Variants in BBS4 observed in about 807,000 individuals in gnomAD.
The protein encoded by BBS4 is BBSome complex member BBS4.
A neutral mutation model predicts 71.4 loss-of-function variants in BBS4; 58 were observed. The ratio of observed to expected loss-of-function variants is 0.81; its 90% CI spans 0.66 to 1.01. The LOEUF (loss-of-function observed/expected upper bound fraction) is 1.01. Among genes scored for constraint, BBS4 ranks in the 50% least tolerant of loss-of-function variants. The pLI, the probability that BBS4 is intolerant of heterozygous loss-of-function variation, is 0.00. For synonymous variants in BBS4, 228 were observed against 216.8 expected (o/e 1.05, Z -0.46); for missense variants, 660 against 607.9 (o/e 1.09, Z -0.90).
chr15:72,692,785 G>A (rs781413137), intron 1 of BBS4, among the ~76,000 whole-genome samples: 7 of 151,606 alleles, frequency 4.6e-5, no homozygotes, highest in South Asian at 2.1e-4. Flanking sequence ...TTTTATAGAG[G>A]CAGAGTCTCG....
At chr15:72,690,455 C>T (rs1249708452) in intron 1 of BBS4, among the ~76,000 whole-genome samples, 1 of 152,100 alleles carries the variant, frequency 6.6e-6, no homozygotes, top group East Asian at 1.9e-4. Flanking sequence ...CTGCTTTGTG[C>T]AGAAAGAAGG....
At chr15:72,721,359 T>C (rs2065572835) in intron 6 of BBS4, among the ~76,000 whole-genome samples, 2 of 152,266 alleles carry the variant, frequency 1.3e-5, no homozygotes, top group South Asian at 4.1e-4. Context: ...CTTACAAAAG[T>C]TGTGGGAGTA....
In BBS4 at chr15:72,694,193, C is replaced by CTT. The variant is rs34852416; in HGVS notation, c.25-970_25-969dup. ...AGGCACGGCGTCTGGCCTTTCTTTC[C>CTT]TTTTTTTTTTTTTTTGAGACGTAGT... On this transcript the variant is annotated intron_variant, in intron 1 of 15. Coordinates refer to ENST00000268057, the MANE Select transcript of BBS4 (RefSeq NM_033028.5). Among the ~76,000 whole-genome samples, 287 of 135,410 alleles carry CTT rather than the reference C, an allele frequency of 2.1e-3. 2 individuals carry two copies. The highest frequency in any genetic ancestry group is 7.5e-3 in the African/African-American group (276 of 36,970). 88.8% of individuals were successfully genotyped at this position (135,410 alleles called of 152,430 possible).
rs2065386071 is a variant in BBS4, at chr15:72,712,234, CCT to C, written c.157-7_157-6del. 1 of 1,613,232 alleles carries C rather than the reference CCT, an allele frequency of 6.2e-7. No homozygotes were observed. ...ACCACTGCTCAGAAGCATTTTTCTC[CCT>C]CTTTCAGGCTGTTATCAAAGAACAG... On this transcript the variant is annotated splice_region_variant and splice_polypyrimidine_tract_variant and intron_variant, in intron 3 of 15. Coordinates refer to ENST00000268057, the MANE Select transcript of BBS4 (RefSeq NM_033028.5).
chr15:72,731,715 T>C lies in BBS4; in HGVS notation c.1025T>C (p.Met342Thr). 1.2e-6 allele frequency: 2 copies of C among 1,614,216 alleles called. No homozygotes were observed. The highest frequency in any genetic ancestry group is 1.7e-6 in the Non-Finnish European group (2 of 1,180,042). The change falls in exon 12 of 16, where the codon ATG (methionine) becomes ACG (threonine). Residue 342 changes from methionine (M) to threonine (T), a missense_variant. Transcript: ENST00000268057. ...CAGCCAAAGATGGGGGAGCTCTACA[T>C]GCTCTTGGCAGGTAAGAAACATTTA... ...NFQPKMGELYMLLAVALTNLE... is the reference protein window; with the variant it reads ...NFQPKMGELYTLLAVALTNLE...
At chr15:72,686,461 G>A in intron 1 of BBS4, 1 of 1,531,664 alleles carries the variant, frequency 6.5e-7, no homozygotes, top group Non-Finnish European at 8.7e-7. Flanking sequence ...TCCTGTTCTA[G>A]GACTGTAGTC....
chr15:72,709,645 T>A, intron 2 of BBS4, 55 bp from the exon 3 acceptor site: 1 of 1,331,996 alleles, frequency 7.5e-7, no homozygotes, highest in Admixed American at 1.7e-5. Context: ...AGGACAGTGC[T>A]AAAGGAGAAA....
At chr15:72,710,195 G>GTTTTTTTTTTTTTTT in intron 3 of BBS4, among the ~76,000 whole-genome samples, 1 of 103,442 alleles carries the variant, frequency 9.7e-6, no homozygotes, top group African/African-American at 3.7e-5. Flanking sequence ...ATTTTGTCGA[G>GTTTTTTTTTTTTTTT]TTTTTTTTTT....
In BBS4 at chr15:72,735,183, G is replaced by A; in HGVS notation, c.1106+1G>A. On this transcript the variant is annotated splice_donor_variant, in intron 13 of 15. Transcript: ENST00000268057. LOFTEE classifies it high-confidence loss of function. ...ACGCAGAAGCAGTCCACCTGGATAA[G>A]TATGCACTTTGTTGAGAATGGTACT... 1 of 1,612,706 alleles carries A rather than the reference G, an allele frequency of 6.2e-7. No homozygotes were observed. The highest frequency in any genetic ancestry group is 2.2e-5 in the East Asian group (1 of 44,870).
At chr15:72,736,632 T>C in intron 14 of BBS4, 130 bp from the exon 15 acceptor site, 1 of 839,512 alleles carries the variant, frequency 1.2e-6, no homozygotes, top group East Asian at 2.6e-5. Flanking sequence ...TGATAAGTAC[T>C]TCCTGCCTCA....
At chr15:72,712,515 T>TA (rs1269348314) in intron 4 of BBS4, among the ~76,000 whole-genome samples, 3 of 152,218 alleles carry the variant, frequency 2.0e-5, no homozygotes, top group Non-Finnish European at 4.4e-5. Flanking sequence ...ATGGATGATA[T>TA]AGTGTACTAT....
intron 2 of BBS4, 116 bp from the exon 3 acceptor site, chr15:72,709,584 A>T: frequency 1.3e-6 from 1 of 788,208 alleles, no homozygotes. Flanking sequence ...AGTCAGTAGC[A>T]TCAAAATTTT....
At chr15:72,702,675 C>T (rs1050527417) in intron 2 of BBS4, among the ~76,000 whole-genome samples, 13 of 152,040 alleles carry the variant, frequency 8.6e-5, no homozygotes, top group African/African-American at 2.9e-4. Flanking sequence ...AGCCCAGTCT[C>T]TTCCTCTTCC....
chr15:72,709,700 C>T lies in BBS4; in HGVS notation c.77C>T (p.Ala26Val), dbSNP rs2151016128. The T allele has an allele frequency of 1.2e-6, 2 of 1,609,444 alleles. No homozygotes were observed. Among genetic ancestry groups the T allele is most frequent in the Middle Eastern group, 1.7e-4 (1 of 6,060 alleles). ...TGTTTTGTCAAAATATGCTGCCTAG[C>T]TCCAGAGTTTCCTATTTTGGAGAAG... Reference protein sequence around the residue: ...TESQKPRQKKAPEFPILEKQN... With the variant: ...TESQKPRQKKVPEFPILEKQN... Residue 26 changes from alanine to valine, a missense_variant and splice_region_variant, in exon 3 of 16, where the codon GCT becomes GTT. Physicochemically the swap from Ala to Val is moderately conservative, Grantham distance 64. Coordinates refer to ENST00000268057, the MANE Select transcript of BBS4 (RefSeq NM_033028.5).
intron 2 of BBS4, among the ~76,000 whole-genome samples, chr15:72,709,139 C>T (rs2065318833): frequency 6.6e-6 from 1 of 152,180 alleles, no homozygotes; most frequent in South Asian, 2.1e-4. Flanking sequence ...CTTAGGCCCC[C>T]TCCCCTTTTG....
At chr15:72,686,634 C>A in intron 1 of BBS4, 2 of 1,174,348 alleles carry the variant, frequency 1.7e-6, no homozygotes, top group Non-Finnish European at 2.3e-6. Context: ...TGCCTGGAAG[C>A]TTGCAGCGTC....
intron 13 of BBS4, 69 bp downstream of exon 13, chr15:72,735,251 A>G (rs1230520063): frequency 3.3e-6 from 4 of 1,229,326 alleles, no homozygotes; most frequent in African/African-American, 1.5e-5. Flanking sequence ...GGTGCCATAC[A>G]TAGCATTGGT....
At chr15:72,722,243 TG>T (rs1187411656) in intron 6 of BBS4, among the ~76,000 whole-genome samples, 1 of 152,242 alleles carries the variant, frequency 6.6e-6, no homozygotes, top group Admixed American at 6.5e-5. Flanking sequence ...TCCAATTACA[TG>T]TATTCCATCA....
chr15:72,728,054 G>T, intron 9 of BBS4, 60 bp downstream of exon 9: 1 of 1,269,144 alleles, frequency 7.9e-7, no homozygotes, highest in East Asian at 2.3e-5. Context: ...GGGTTTGTGT[G>T]TATGGTGGTT....
Sources: gnomAD v4.1 joint callset for allele counts (sites outside exome capture counted in the v4.1 genomes callset) on GRCh38, gnomAD v4.1.1 for gene constraint, MANE v1.5 for transcripts, NCBI Gene and HGNC (gene_info 2026-07-23, HGNC 2026-07-21) for gene names.